SEMA5A: variants seen among roughly 807,000 people sequenced by gnomAD.
The protein encoded by SEMA5A is semaphorin 5A.
In SEMA5A, 55 loss-of-function variants were observed where a neutral mutation model predicts 135.5. The observed-to-expected ratio is 0.41, with a 90% CI of 0.33 to 0.51. The LOEUF (loss-of-function observed/expected upper bound fraction) is 0.51, where lower values mean the gene tolerates loss of function less well. Ranked by LOEUF, SEMA5A falls within the 20% of genes least tolerant of loss-of-function variation. The pLI is 0.37. For missense variants in SEMA5A, 1,290 were observed against 1,419.9 expected (o/e 0.91, Z 1.47); for synonymous variants, 580 against 546.5 (o/e 1.06, Z -0.85).
intron 11 of SEMA5A, among the ~76,000 whole-genome samples, chr5:9,174,398 C>A (rs1271596391): frequency 6.6e-6 from 1 of 152,188 alleles, no homozygotes; most frequent in Non-Finnish European, 1.5e-5. Context: ...TCTTGGTATC[C>A]TCATCTTCTC....
intron 12 of SEMA5A, among the ~76,000 whole-genome samples, chr5:9,152,869 C>T (rs941115757): frequency 2.6e-5 from 4 of 152,102 alleles, no homozygotes; most frequent in South Asian, 2.1e-4. Flanking sequence ...GTCAGGAATT[C>T]GGGACCAGCC....
chr5:9,122,562 CA>C, intron 14 of SEMA5A, 93 bp downstream of exon 14: 2 of 1,279,068 alleles, frequency 1.6e-6, no homozygotes. Context: ...CAGTTCTCTC[CA>C]AAAGGGAGTT....
chr5:9,096,554 CTGTGTGTGTGTGTG>C (rs56202626), intron 16 of SEMA5A, among the ~76,000 whole-genome samples: 16 of 144,516 alleles, frequency 1.1e-4, no homozygotes, highest in East Asian at 8.2e-4. Flanking sequence ...TAATATTCCA[CTGTGTGTGTGTGTG>C]TGTGTGTGTG....
At chr5:9,341,266 C>A (rs911490879) in intron 3 of SEMA5A, among the ~76,000 whole-genome samples, 2 of 151,684 alleles carry the variant, frequency 1.3e-5, no homozygotes, top group African/African-American at 4.8e-5. Flanking sequence ...AGCCCAGAAA[C>A]GCAAGGATGG....
intron 2 of SEMA5A, among the ~76,000 whole-genome samples, chr5:9,396,213 A>G (rs1199539315): frequency 2.0e-5 from 3 of 151,078 alleles, no homozygotes; most frequent in African/African-American, 7.3e-5. Flanking sequence ...GCTGCTTAAC[A>G]GAACGGTCTC....
chr5:9,179,071 T>G (rs2150322537), intron 11 of SEMA5A, among the ~76,000 whole-genome samples: 1 of 152,208 alleles, frequency 6.6e-6, no homozygotes, highest in South Asian at 2.1e-4. Context: ...TTATGAAAAA[T>G]CCTCGTAGTT....
intron 1 of SEMA5A, among the ~76,000 whole-genome samples, chr5:9,485,925 G>A (rs2126789158): frequency 6.6e-6 from 1 of 152,142 alleles, no homozygotes; most frequent in Non-Finnish European, 1.5e-5. Context: ...TAATATAAAT[G>A]AAAAAGAACA....
At chr5:9,081,416 A>T (rs897308447) in intron 16 of SEMA5A, among the ~76,000 whole-genome samples, 1 of 152,188 alleles carries the variant, frequency 6.6e-6, no homozygotes, top group Non-Finnish European at 1.5e-5. Context: ...TTATGTATGT[A>T]TGTGTATATA....
intron 3 of SEMA5A, among the ~76,000 whole-genome samples, chr5:9,370,306 T>G (rs150452272): frequency 2.0e-5 from 3 of 152,304 alleles, no homozygotes; most frequent in African/African-American, 4.8e-5. Flanking sequence ...GTTTGCAGCC[T>G]CTCTAAGGCA....
chr5:9,126,257 G>A (rs998597595), intron 13 of SEMA5A, among the ~76,000 whole-genome samples: 1 of 152,082 alleles, frequency 6.6e-6, no homozygotes, highest in African/African-American at 2.4e-5. Context: ...AGGGTGGCTG[G>A]AGCAATCCTT....
At chr5:9,219,042 G>A (rs944328479) in intron 8 of SEMA5A, among the ~76,000 whole-genome samples, 7 of 152,232 alleles carry the variant, frequency 4.6e-5, no homozygotes, top group Admixed American at 2.6e-4. Flanking sequence ...CAGGTAGTCA[G>A]TGATCTGCAG....
At chr5:9,085,739 C>A (rs1738644876) in intron 16 of SEMA5A, among the ~76,000 whole-genome samples, 2 of 152,184 alleles carry the variant, frequency 1.3e-5, no homozygotes, top group South Asian at 4.1e-4. Flanking sequence ...TGGGGCACAA[C>A]CTAGTGGAAC....
chr5:9,486,826 T>C (rs1734756173), intron 1 of SEMA5A, among the ~76,000 whole-genome samples: 1 of 152,170 alleles, frequency 6.6e-6, no homozygotes, highest in Admixed American at 6.6e-5. Flanking sequence ...TTACCTATGA[T>C]AATCTGCTTC....
intron 1 of SEMA5A, among the ~76,000 whole-genome samples, chr5:9,469,847 T>C (rs562643146): frequency 1.3e-5 from 2 of 152,248 alleles, no homozygotes; most frequent in East Asian, 3.9e-4. Flanking sequence ...TTGGAGTACT[T>C]TTACTTAAAT....
In SEMA5A at chr5:9,072,536, C is replaced by T. The variant is rs552523688; in HGVS notation, c.2074-5890G>A. On this transcript the variant is annotated intron_variant, in intron 16 of 22. Coordinates refer to ENST00000382496, the MANE Select transcript of SEMA5A (RefSeq NM_003966.3). ...CTGCCTGAAATGATCAGAGGGAACA[C>T]TGTGTGTTACCCACACAGGACCAGG... Among the ~76,000 whole-genome samples the T allele has an allele frequency of 5.9e-5, 9 of 152,284 alleles. No individual in the cohort carries two copies. In the South Asian group the frequency reaches 1.9e-3, roughly 32 times the overall value.
intron 16 of SEMA5A, among the ~76,000 whole-genome samples, chr5:9,075,475 A>G (rs1476554854): frequency 6.6e-6 from 1 of 152,212 alleles, no homozygotes; most frequent in Admixed American, 6.5e-5. Flanking sequence ...ATGGAATATT[A>G]ATCAGCAATT....
At chr5:9,171,768 G>A (rs537665394) in intron 11 of SEMA5A, among the ~76,000 whole-genome samples, 11 of 152,130 alleles carry the variant, frequency 7.2e-5, no homozygotes, top group East Asian at 1.9e-4. Flanking sequence ...CACAGGCTGC[G>A]GCAAGGGTTC....
At chr5:9,309,342 C>T (rs1295234419) in intron 5 of SEMA5A, among the ~76,000 whole-genome samples, 2 of 152,034 alleles carry the variant, frequency 1.3e-5, no homozygotes, top group Non-Finnish European at 2.9e-5. Flanking sequence ...CCCCAGGGGC[C>T]GGTCTTGTTT....
chr5:9,290,833 A>C (rs559767385), intron 5 of SEMA5A, among the ~76,000 whole-genome samples: 1 of 152,182 alleles, frequency 6.6e-6, no homozygotes, highest in South Asian at 2.1e-4. Flanking sequence ...GTTCTTTCCC[A>C]CCTCATTTCA....
Sources: gnomAD v4.1 joint callset for allele counts (sites outside exome capture counted in the v4.1 genomes callset) on GRCh38, gnomAD v4.1.1 for gene constraint, MANE v1.5 for transcripts, NCBI Gene and HGNC (gene_info 2026-07-23, HGNC 2026-07-21) for gene names.